The following GHR variants were observed in gnomAD, a reference collection of about 807,000 sequenced individuals.
The protein encoded by GHR is GH receptor.
Under a neutral mutation model 67.1 loss-of-function variants are expected in GHR, and 35 were observed. The observed-to-expected ratio is 0.52, with a 90% CI of 0.40 to 0.69. GHR has a LOEUF of 0.69. GHR is among the 30% of genes least tolerant of loss of function. The pLI, the probability that GHR is intolerant of heterozygous loss-of-function variation, is 0.00. For missense variants in GHR, 792 were observed against 764.6 expected (o/e 1.04, Z -0.42); for synonymous variants, 272 against 269.1 (o/e 1.01, Z -0.10).
At chr5:42,677,143 T>C (rs1004556081) in intron 3 of GHR, among the ~76,000 whole-genome samples, 1 of 152,206 alleles carries the variant, frequency 6.6e-6, no homozygotes, top group Non-Finnish European at 1.5e-5. Flanking sequence ...CTCAGAATGC[T>C]GGAAGAGTTG....
At chr5:42,715,905 A>G (rs149632272) in intron 8 of GHR, among the ~76,000 whole-genome samples, 6 of 152,292 alleles carry the variant, frequency 3.9e-5, no homozygotes, top group Non-Finnish European at 8.8e-5. Flanking sequence ...CCTCCTAATG[A>G]CTTTGCAACT....
chr5:42,697,408 A>G (rs2111722715), intron 5 of GHR, among the ~76,000 whole-genome samples: 1 of 152,330 alleles, frequency 6.6e-6, no homozygotes, highest in African/African-American at 2.4e-5. Context: ...ATGGAGAAAT[A>G]TAGGAAAGGA....
At chr5:42,581,566 C>G (rs1041047139) in intron 2 of GHR, among the ~76,000 whole-genome samples, 8 of 152,246 alleles carry the variant, frequency 5.3e-5, no homozygotes, top group African/African-American at 1.9e-4. Context: ...ATTAGACCAA[C>G]TGTGGCTGTT....
At chr5:42,689,946 A>G (rs546452246) in intron 4 of GHR, among the ~76,000 whole-genome samples, 48 of 152,344 alleles carry the variant, frequency 3.2e-4, no homozygotes, top group Non-Finnish European at 5.9e-4. Context: ...AGGGTGAAAC[A>G]AAGACCTCTC....
intron 1 of GHR, among the ~76,000 whole-genome samples, chr5:42,509,594 T>A (rs1746924668): frequency 6.6e-6 from 1 of 152,208 alleles, no homozygotes; most frequent in African/African-American, 2.4e-5. Context: ...TTTATTTCCC[T>A]CTTGCATATT....
intron 1 of GHR, among the ~76,000 whole-genome samples, chr5:42,472,803 T>G (rs1745069792): frequency 6.6e-6 from 1 of 152,200 alleles, no homozygotes; most frequent in Admixed American, 6.5e-5. Flanking sequence ...GCTCCTGAGC[T>G]CTAGGGATTA....
chr5:42,613,572 G>C (rs1752989894), intron 2 of GHR, among the ~76,000 whole-genome samples: 1 of 151,996 alleles, frequency 6.6e-6, no homozygotes, highest in African/African-American at 2.4e-5. Flanking sequence ...TCAAAAACAG[G>C]AAAAATCACC....
At chr5:42,610,861 C>G (rs149621130) in intron 2 of GHR, among the ~76,000 whole-genome samples, 1 of 152,066 alleles carries the variant, frequency 6.6e-6, no homozygotes, top group Non-Finnish European at 1.5e-5. Context: ...AATGGGCCTG[C>G]CTTGGTGTCC....
chr5:42,596,283 G>A (rs1427753234), intron 2 of GHR, among the ~76,000 whole-genome samples: 2 of 152,004 alleles, frequency 1.3e-5, no homozygotes, highest in Non-Finnish European at 2.9e-5. Flanking sequence ...GGATGAAATG[G>A]GTTCCTACCT....
At chr5:42,432,111 C>T (rs1199119721) in intron 1 of GHR, among the ~76,000 whole-genome samples, 1 of 152,198 alleles carries the variant, frequency 6.6e-6, no homozygotes, top group Non-Finnish European at 1.5e-5. Context: ...TAAAATTAAA[C>T]ATTTGAAGTA....
At chr5:42,491,745 C>A (rs762186571) in intron 1 of GHR, among the ~76,000 whole-genome samples, 1 of 152,070 alleles carries the variant, frequency 6.6e-6, no homozygotes, top group South Asian at 2.1e-4. Context: ...AGAAGGAAGG[C>A]GGAATGGATG....
At chr5:42,663,721 C>T (rs899124677) in intron 3 of GHR, among the ~76,000 whole-genome samples, 1 of 152,170 alleles carries the variant, frequency 6.6e-6, no homozygotes, top group East Asian at 1.9e-4. Flanking sequence ...TCCTATTCAA[C>T]ATAGTGTTGG....
chr5:42,499,436 G>A (rs1030693855), intron 1 of GHR, among the ~76,000 whole-genome samples: 2 of 152,178 alleles, frequency 1.3e-5, no homozygotes, highest in South Asian at 2.1e-4. Context: ...AAGAAGGGAA[G>A]AGTGATGGTT....
At chr5:42,531,063 T>C (rs950969330) in intron 1 of GHR, among the ~76,000 whole-genome samples, 1 of 151,476 alleles carries the variant, frequency 6.6e-6, no homozygotes, top group Non-Finnish European at 1.5e-5. Flanking sequence ...AGGTCAAGAG[T>C]TCAAGACTAG....
chr5:42,604,563 A>G (rs952911886), intron 2 of GHR, among the ~76,000 whole-genome samples: 4 of 152,208 alleles, frequency 2.6e-5, no homozygotes, highest in Non-Finnish European at 4.4e-5. Context: ...ACAGGTGAAT[A>G]GAGGGTAAGA....
intron 1 of GHR, among the ~76,000 whole-genome samples, chr5:42,455,886 T>C (rs189719252): frequency 6.6e-6 from 1 of 152,350 alleles, no homozygotes; most frequent in East Asian, 1.9e-4. Flanking sequence ...ATCTGTGTTC[T>C]TTTTCTCCCG....
chr5:42,467,527 GCTTT>G, intron 1 of GHR: 1 of 1,270,424 alleles, frequency 7.9e-7, no homozygotes, highest in Non-Finnish European at 1.1e-6. Context: ...ATAACTAAAG[GCTTT>G]CTCACATTTA....
At chr5:42,659,768 G>A (rs1755470600) in intron 3 of GHR, among the ~76,000 whole-genome samples, 1 of 152,168 alleles carries the variant, frequency 6.6e-6, no homozygotes, top group Non-Finnish European at 1.5e-5. Flanking sequence ...GGGACAGTGG[G>A]TGCAGCACAC....
At chr5:42,634,733 C>A (rs1273832082) in intron 3 of GHR, among the ~76,000 whole-genome samples, 1 of 152,106 alleles carries the variant, frequency 6.6e-6, no homozygotes, top group African/African-American at 2.4e-5. Flanking sequence ...TTCCACAGAA[C>A]CTTTCCTTCA....
Sources: allele counts gnomAD v4.1 joint callset (sites outside exome capture counted in the v4.1 genomes callset), GRCh38; gene constraint gnomAD v4.1.1; transcripts MANE v1.5; gene names NCBI Gene and HGNC (gene_info 2026-07-23, HGNC 2026-07-21).